Variants in CDK5RAP1 observed in about 807,000 individuals in gnomAD.
CDK5RAP1 encodes the protein CDK5RAP1 mitochondrial tRNA methylthiotransferase.
In CDK5RAP1, 62 loss-of-function variants were observed where a neutral mutation model predicts 64.5. The ratio of observed to expected loss-of-function variants is 0.96; its 90% CI spans 0.78 to 1.19. CDK5RAP1 has a LOEUF of 1.19. CDK5RAP1 is among the 50% of genes most tolerant of loss of function. The probability of loss-of-function intolerance (pLI) is 0.00; values close to 1 mark genes in which losing one functional copy is unlikely to be tolerated. For missense variants in CDK5RAP1, 657 were observed against 735.0 expected (o/e 0.89, Z 1.23); for synonymous variants, 250 against 261.9 (o/e 0.95, Z 0.44).
chr20:33,387,093 A>C (rs1758560737), intron 6 of CDK5RAP1, among the ~76,000 whole-genome samples: 1 of 151,730 alleles, frequency 6.6e-6, no homozygotes, highest in Non-Finnish European at 1.5e-5. Context: ...GTGAGACCCT[A>C]TCTCTGTAAA....
chr20:33,381,569 G>A (rs575255283), intron 7 of CDK5RAP1, among the ~76,000 whole-genome samples: 30 of 152,210 alleles, frequency 2.0e-4, no homozygotes, highest in Non-Finnish European at 1.5e-5. Flanking sequence ...TGGGACTACA[G>A]GCGTGTGTCA....
intron 12 of CDK5RAP1, among the ~76,000 whole-genome samples, chr20:33,366,192 G>A (rs1330334465): frequency 6.6e-6 from 1 of 151,754 alleles, no homozygotes; most frequent in African/African-American, 2.4e-5. Flanking sequence ...GGTAGTGGGT[G>A]CCTGCAATCC....
intron 10 of CDK5RAP1, 139 bp from the exon 11 acceptor site, chr20:33,370,768 T>C (rs929585178): frequency 4.7e-5 from 38 of 808,080 alleles, no homozygotes; most frequent in East Asian, 3.3e-4. Flanking sequence ...AACAAAATAG[T>C]ACAGAGTAAG....
intron 5 of CDK5RAP1, among the ~76,000 whole-genome samples, chr20:33,389,317 C>T (rs1327181096): frequency 6.6e-6 from 1 of 151,222 alleles, no homozygotes; most frequent in Non-Finnish European, 1.5e-5. Context: ...CCGGCCGCCC[C>T]GTCTGAGAAG....
intron 11 of CDK5RAP1, among the ~76,000 whole-genome samples, chr20:33,370,213 G>A (rs1984745599): frequency 2.0e-5 from 3 of 152,138 alleles, no homozygotes; most frequent in African/African-American, 4.8e-5. Flanking sequence ...TAGGTTTCTC[G>A]TAAAGAAAAG....
intron 12 of CDK5RAP1, among the ~76,000 whole-genome samples, chr20:33,361,997 G>A (rs2146575265): frequency 6.6e-6 from 1 of 151,424 alleles, no homozygotes; most frequent in Non-Finnish European, 1.5e-5. Flanking sequence ...AGAGAGGGAG[G>A]GAACAATCTC....
chr20:33,387,551 A>G lies in CDK5RAP1; in HGVS notation c.545-18T>C. ...CATGCAGCCTGGAAGGGAAAAAGAA[A>G]CAAGCACCTTTCCCCAAATCCACCT... On this transcript the variant is annotated intron_variant, in intron 5 of 13. Coordinates refer to ENST00000346416, the MANE Select transcript of CDK5RAP1 (RefSeq NM_016408.4). 6.2e-7 allele frequency: 1 copy of G among 1,600,160 alleles called. No individual in the cohort carries two copies. Among genetic ancestry groups the G allele is most frequent in the South Asian group, 1.1e-5 (1 of 90,752 alleles).
In CDK5RAP1 at chr20:33,359,092, C is replaced by G. The variant is rs770611478; in HGVS notation, c.1715G>C (p.Gly572Ala). The G allele has an allele frequency of 8.1e-6, 13 of 1,613,804 alleles. No individual in the cohort carries two copies. The highest frequency in any genetic ancestry group is 1.1e-5 in the Non-Finnish European group (13 of 1,179,900). Residue 572 changes from glycine (G) to alanine (A), a missense_variant, in exon 14 of 14, where the codon GGA (glycine) becomes GCA (alanine). Gly to Ala is a moderately conservative substitution (Grantham distance 60). Coordinates refer to ENST00000346416, the MANE Select transcript of CDK5RAP1 (RefSeq NM_016408.4). The stretch of plus-strand genomic sequence containing the variant: ...CAGAGTGGTCCTGCAGAGAACATGT[C>G]CCCTAAGTGTCTGAGAACTGGCTGA... ...ITSASSQTLR[G>A]HVLCRTTLRD... is the part of the protein sequence containing the mutation.
intron 5 of CDK5RAP1, among the ~76,000 whole-genome samples, chr20:33,389,080 C>T (rs1412031351): frequency 1.3e-5 from 2 of 148,822 alleles, no homozygotes; most frequent in South Asian, 2.1e-4. Context: ...TCTGCCTGGC[C>T]GCCCATCGTC....
chr20:33,384,484 G>A (rs948603130), intron 7 of CDK5RAP1, among the ~76,000 whole-genome samples: 1 of 152,140 alleles, frequency 6.6e-6, no homozygotes, highest in African/African-American at 2.4e-5. Flanking sequence ...GTGGGGTATG[G>A]AAAATGCCTC....
intron 7 of CDK5RAP1, among the ~76,000 whole-genome samples, chr20:33,380,132 ATCAG>A (rs1472598932): frequency 2.0e-5 from 3 of 152,216 alleles, no homozygotes; most frequent in African/African-American, 7.2e-5. Context: ...TGAGGAAAAA[ATCAG>A]ACAAAGGAGA....
intron 5 of CDK5RAP1, among the ~76,000 whole-genome samples, 185 bp from the exon 6 acceptor site, chr20:33,387,718 A>G (rs778296908): frequency 1.1e-4 from 17 of 152,148 alleles, no homozygotes; most frequent in Non-Finnish European, 2.2e-4. Context: ...ATCTTCCTAT[A>G]TAAGAAAACC....
At chr20:33,394,638 C>G (rs1452267818) in intron 3 of CDK5RAP1, among the ~76,000 whole-genome samples, 1 of 152,054 alleles carries the variant, frequency 6.6e-6, no homozygotes, top group African/African-American at 2.4e-5. Context: ...TGGTGACCCA[C>G]ACCTGGACAT....
rs771036166 is a variant in CDK5RAP1 at position 33,397,033 on chromosome 20, T to C, written c.32A>G (p.Gln11Arg). Residue 11 changes from glutamine (Q) to arginine (R), a missense_variant, in exon 2 of 14, where the codon CAG (glutamine) becomes CGG (arginine). Coordinates refer to ENST00000346416, the MANE Select transcript of CDK5RAP1 (RefSeq NM_016408.4). The part of the protein sequence containing the change: MHPLQCVLQV[Q>R]RSLGWGPLAS... ...CAATGGTCCCCACCCCAGAGACCTCTGCACTTGGAGGACACACTGTAAAGG... is the reference window on the plus strand; with the variant it reads ...CAATGGTCCCCACCCCAGAGACCTCCGCACTTGGAGGACACACTGTAAAGG... 3.1e-6 allele frequency: 5 copies of C among 1,613,252 alleles called. No individual in the cohort carries two copies. In the African/African-American group the frequency reaches 4.0e-5, roughly 13 times the overall value.
intron 5 of CDK5RAP1, among the ~76,000 whole-genome samples, chr20:33,390,719 G>A (rs1988212640): frequency 6.6e-6 from 1 of 152,072 alleles, no homozygotes; most frequent in South Asian, 2.1e-4. Flanking sequence ...GAACTGAAAT[G>A]GAACAGAACA....
At position 33,397,059 on chromosome 20, in the gene CDK5RAP1, G is replaced by C. The variant is rs200366840; in HGVS notation, c.6C>G (p.His2Gln). The C allele has an allele frequency of 1.6e-4, 256 of 1,604,408 alleles. No individual in the cohort carries two copies. The East Asian group carries it at 5.7e-3, about 36-fold the overall frequency. Reference sequence around the variant, plus strand: ...GCACTTGGAGGACACACTGTAAAGGGTGCATGGCACTAAACAGCCCACAGT... The same window carrying C: ...GCACTTGGAGGACACACTGTAAAGGCTGCATGGCACTAAACAGCCCACAGT... Reference protein sequence around the residue: MHPLQCVLQVQR... With the variant: MQPLQCVLQVQR... The change falls in exon 2 of 14, where the codon CAC becomes CAG. Residue 2 changes from histidine (H) to glutamine (Q), a missense_variant. Physicochemically the swap from His to Gln is conservative, Grantham distance 24. Transcript: ENST00000346416.
intron 7 of CDK5RAP1, among the ~76,000 whole-genome samples, chr20:33,383,227 A>T (rs1986987063): frequency 6.6e-6 from 1 of 152,114 alleles, no homozygotes; most frequent in African/African-American, 2.4e-5. Context: ...TTAAATGTTT[A>T]AAAAAGAAAA....
At chr20:33,377,218 G>A (rs1473535417) in intron 8 of CDK5RAP1, among the ~76,000 whole-genome samples, 1 of 152,190 alleles carries the variant, frequency 6.6e-6, no homozygotes, top group African/African-American at 2.4e-5. Flanking sequence ...GTCCTTTGAA[G>A]CTTTGAAGAA....
chr20:33,374,331 T>C, intron 8 of CDK5RAP1, 119 bp from the exon 9 acceptor site: 1 of 663,570 alleles, frequency 1.5e-6, no homozygotes, highest in Non-Finnish European at 2.7e-6. Context: ...AGAGGCTAAT[T>C]AAACCAGACA....
Sources: allele counts gnomAD v4.1 joint callset (sites outside exome capture counted in the v4.1 genomes callset), GRCh38; gene constraint gnomAD v4.1.1; transcripts MANE v1.5; gene names NCBI Gene and HGNC (gene_info 2026-07-23, HGNC 2026-07-21).